TRIQK: variants seen among roughly 807,000 people sequenced by gnomAD.
TRIQK encodes the protein triple QxxK/R motif containing.
In TRIQK, 10 loss-of-function variants were observed where a neutral mutation model predicts 10.8. The observed-to-expected ratio is 0.92, with a 90% CI of 0.57 to 1.57. The LOEUF is 1.57. Among genes scored for constraint, TRIQK ranks in the 40% most tolerant of loss-of-function variants. TRIQK has a pLI of 0.00. For synonymous variants in TRIQK, 33 were observed against 33.7 expected (o/e 0.98, Z 0.07); for missense variants, 107 against 97.7 (o/e 1.09, Z -0.40).
chr8:92,947,056 C>T (rs1178699274), intron 2 of TRIQK, among the ~76,000 whole-genome samples: 1 of 151,660 alleles, frequency 6.6e-6, no homozygotes, highest in African/African-American at 2.4e-5. Context: ...TGAGCCACTG[C>T]GCCTGGCTCA....
At position 92,883,766 on chromosome 8, in the gene TRIQK, T is replaced by C. The variant is rs1394807336; in HGVS notation, c.*2856A>G. 1 of 151,754 alleles carries C rather than the reference T, an allele frequency of 6.6e-6. No homozygotes were observed. Among genetic ancestry groups the C allele is most frequent in the Non-Finnish European group, 1.5e-5 (1 of 67,820 alleles). The allele number at this position is 151,754 out of a possible 1,614,324, so 9.4% of individuals were successfully genotyped here. On this transcript the variant is annotated 3_prime_UTR_variant, in exon 5 of 5. Transcript: ENST00000521988. ...GGTGAAAGTATTTCTTCTGTCTTCA[T>C]GAAAAATTAAAAAGATAGAAAATCT... is the stretch of plus-strand genomic sequence containing the variant.
chr8:92,886,831 C>A, intron 4 of TRIQK, 96 bp from the exon 5 acceptor site: 1 of 694,642 alleles, frequency 1.4e-6, no homozygotes, highest in Non-Finnish European at 2.4e-6. Flanking sequence ...GTTCCACAGT[C>A]TAGAATGAAT....
chr8:92,894,217 G>A (rs575694639), intron 3 of TRIQK, among the ~76,000 whole-genome samples: 2 of 152,050 alleles, frequency 1.3e-5, no homozygotes, highest in South Asian at 2.1e-4. Flanking sequence ...TCTCCTTGTC[G>A]ACTATGATAT....
In TRIQK at chr8:92,916,929, C is replaced by T; in HGVS notation, c.61G>A (p.Gly21Ser). Residue 21 changes from glycine to serine, a missense_variant and splice_region_variant, in exon 3 of 5, where the codon GGT (glycine) becomes AGT (serine). Transcript: ENST00000521988. The stretch of plus-strand genomic sequence containing the variant: ...GTATCAAAGATAATTCATTGCTTAC[C>T]AATTTGTTTTCTGTACTGATCAACA... ...LPVDQYRKQI[G>S]KQDYKKTKPI... The T allele has an allele frequency of 3.4e-6, 5 of 1,463,720 alleles. No homozygotes were observed. The highest frequency in any genetic ancestry group is 4.5e-6 in the Non-Finnish European group (5 of 1,112,794). 90.7% of individuals were successfully genotyped at this position (1,463,720 alleles called of 1,614,324 possible).
At chr8:92,901,673 T>C (rs1808948057) in intron 3 of TRIQK, among the ~76,000 whole-genome samples, 1 of 152,186 alleles carries the variant, frequency 6.6e-6, no homozygotes, top group African/African-American at 2.4e-5. Flanking sequence ...GATTTTTGCA[T>C]CAATGTTCAT....
chr8:93,004,707 T>C (rs1813250573), intron 1 of TRIQK, among the ~76,000 whole-genome samples: 1 of 152,246 alleles, frequency 6.6e-6, no homozygotes, highest in Non-Finnish European at 1.5e-5. Flanking sequence ...ATTTGAATGC[T>C]TTGCTGCTTA....
chr8:92,991,844 T>C lies in TRIQK; in HGVS notation c.-181+25765A>G, dbSNP rs181542249. On this transcript the variant is annotated intron_variant, in intron 1 of 4. Transcript: ENST00000520686. The stretch of plus-strand genomic sequence containing the variant: ...AATCAGTGTGCAAAAATCACACACA[T>C]TCCTATACACTAACGATAGACAAAC... Among the ~76,000 whole-genome samples, 558 of 152,190 alleles carry C rather than the reference T, an allele frequency of 3.7e-3. 5 individuals are homozygous for C. Among genetic ancestry groups the C allele is most frequent in the South Asian group, 0.022 (106 of 4,824 alleles).
At chr8:92,974,816 G>A (rs926674512) in intron 1 of TRIQK, 3 of 152,192 alleles carry the variant, frequency 2.0e-5, no homozygotes, top group African/African-American at 7.2e-5. Context: ...TGGATGTGGA[G>A]GTTCCATGGA....
At chr8:92,959,601 G>A (rs527282754) in intron 1 of TRIQK, among the ~76,000 whole-genome samples, 12 of 151,626 alleles carry the variant, frequency 7.9e-5, no homozygotes, top group East Asian at 3.9e-4. Context: ...AAGGAAACAC[G>A]AAGTAGTTTA....
intron 2 of TRIQK, among the ~76,000 whole-genome samples, chr8:92,918,947 C>T (rs1474387550): frequency 6.6e-6 from 1 of 151,712 alleles, no homozygotes; most frequent in Non-Finnish European, 1.5e-5. Context: ...ATATAGAAAC[C>T]AGTTTTCCCA....
chr8:92,989,029 C>A (rs1813066679), intron 1 of TRIQK, among the ~76,000 whole-genome samples: 1 of 152,070 alleles, frequency 6.6e-6, no homozygotes, highest in African/African-American at 2.4e-5. Flanking sequence ...GTTACAGATG[C>A]AAGAATACAT....
At chr8:92,923,707 A>C (rs1810300156) in intron 2 of TRIQK, among the ~76,000 whole-genome samples, 1 of 151,920 alleles carries the variant, frequency 6.6e-6, no homozygotes, top group Non-Finnish European at 1.5e-5. Context: ...TACACTCATT[A>C]GGACTTTTAA....
At chr8:92,971,918 A>G (rs1019785440) in intron 1 of TRIQK, among the ~76,000 whole-genome samples, 17 of 152,110 alleles carry the variant, frequency 1.1e-4, no homozygotes, top group African/African-American at 4.1e-4. Flanking sequence ...AGTTGTGTTA[A>G]TTCTTTCATT....
At chr8:92,918,942 G>A (rs1164551623) in intron 2 of TRIQK, among the ~76,000 whole-genome samples, 2 of 151,744 alleles carry the variant, frequency 1.3e-5, no homozygotes, top group Non-Finnish European at 3.0e-5. Context: ...TCTGCATATA[G>A]AAACCAGTTT....
At chr8:92,902,726 G>T (rs1249389421) in intron 3 of TRIQK, among the ~76,000 whole-genome samples, 1 of 152,024 alleles carries the variant, frequency 6.6e-6, no homozygotes, top group Admixed American at 6.6e-5. Context: ...GTGAAAATCT[G>T]TCCTTTAATT....
intron 4 of TRIQK, among the ~76,000 whole-genome samples, chr8:92,888,358 C>T (rs947530966): frequency 2.0e-5 from 3 of 151,524 alleles, no homozygotes; most frequent in African/African-American, 7.3e-5. Flanking sequence ...TCAGAACATC[C>T]AGAGGCATGA....
At chr8:92,886,827 CA>C in intron 4 of TRIQK, 92 bp from the exon 5 acceptor site, 1 of 738,562 alleles carries the variant, frequency 1.4e-6, no homozygotes, top group African/African-American at 1.8e-5. Context: ...TATTGTTCCA[CA>C]GTCTAGAATG....
intron 2 of TRIQK, among the ~76,000 whole-genome samples, chr8:92,949,752 G>A (rs1164451040): frequency 1.2e-5 from 1 of 86,676 alleles, no homozygotes; most frequent in Non-Finnish European, 2.1e-5. Flanking sequence ...AGGAAGGAAA[G>A]GGAAGGAAAG....
At chr8:92,888,717 C>T (rs1219161802) in intron 4 of TRIQK, among the ~76,000 whole-genome samples, 1 of 151,578 alleles carries the variant, frequency 6.6e-6, no homozygotes, top group African/African-American at 2.4e-5. Flanking sequence ...ACAAACATAA[C>T]ATTTCAAGCT....
Sources: gnomAD v4.1 joint callset for allele counts (sites outside exome capture counted in the v4.1 genomes callset) on GRCh38, gnomAD v4.1.1 for gene constraint, MANE v1.5 for transcripts, NCBI Gene and HGNC (gene_info 2026-07-23, HGNC 2026-07-21) for gene names.